Variants in MRPL43 observed in about 807,000 individuals in gnomAD.
MRPL43 encodes the protein mitochondrial ribosomal protein L43, also known as large ribosomal subunit protein mL43.
In MRPL43, 9 loss-of-function variants were observed where a neutral mutation model predicts 12.7. The observed-to-expected ratio is 0.71, with a 90% confidence interval of 0.43 to 1.24. The LOEUF (loss-of-function observed/expected upper bound fraction) is 1.24. Ranked by LOEUF, MRPL43 falls within the 50% of genes most tolerant of loss-of-function variation. The pLI is 0.00. For synonymous variants in MRPL43, 116 were observed against 96.4 expected, an observed-to-expected ratio of 1.20 and a Z score of -1.19; for missense variants, 211 against 229.2, an observed-to-expected ratio of 0.92 and a Z score of 0.51.
At chr10:100,979,705 G>A (rs1589989320), downstream of MRPL43, 1 of 935,836 alleles carries the variant, frequency 1.1e-6, no homozygotes, top group East Asian at 2.4e-5. Flanking sequence ...AATGAATGCA[G>A]TGGTCCACTG....
At chr10:100,979,360 T>C (rs201698096), downstream of MRPL43, 1 of 1,592,184 alleles carries the variant, frequency 6.3e-7, no homozygotes, top group Non-Finnish European at 8.5e-7. Flanking sequence ...GGATCCACTG[T>C]GGGGAGGTCT....
At chr10:100,977,991 C>T, downstream of MRPL43, 1 of 572,154 alleles carries the variant, frequency 1.7e-6, no homozygotes, top group South Asian at 2.1e-5. Context: ...TAACCCAAAA[C>T]AAAGGGCCTT....
downstream of MRPL43, chr10:100,984,549 C>G (rs1313501848): frequency 5.2e-6 from 8 of 1,536,064 alleles, no homozygotes; most frequent in Non-Finnish European, 7.0e-6. Context: ...GCCCTGTGTG[C>G]TGGATGGTCC....
Position 100,986,797 on chromosome 10 carries a change from C to T in MRPL43, c.417G>A (p.Thr139=), listed in dbSNP as rs377159778. Residue 139 remains threonine (T), a synonymous_variant, in exon 3 of 3, where the codon ACG becomes ACA. Transcript: ENST00000318364. ...CCTCTCGGGGGCGTAGCCCGCGGAA[C>T]GTGGTCGGCTTGTTGGTGAAGGGGT... ...QWHPFTNKPT[T]FRGLRPREVQ... 3.1e-6 allele frequency: 5 copies of T among 1,613,932 alleles called. No individual in the cohort carries two copies. Among genetic ancestry groups the T allele is most frequent in the Non-Finnish European group, 4.2e-6 (5 of 1,180,038 alleles).
chr10:100,987,408 G>A lies in MRPL43; in HGVS notation c.36C>T (p.Ala12=). ...GACCCAGTCCGTTGTGGAGAACGCT[G>A]GCCAAGAAGCGGCTCGGAGTCCCGC... ...TARGTPSRFL[A]SVLHNGLGRY... The change falls in exon 1 of 3, where the codon GCC becomes GCT. Residue 12 remains alanine, a synonymous_variant. Coordinates refer to ENST00000318364, the MANE Select transcript of MRPL43 (RefSeq NM_032112.3). The A allele has an allele frequency of 1.9e-6, 3 of 1,612,604 alleles. No individual in the cohort carries two copies. Among genetic ancestry groups the A allele is most frequent in the Non-Finnish European group, 2.5e-6 (3 of 1,179,942 alleles).
downstream of MRPL43, chr10:100,981,275 C>T (rs1851058560): frequency 6.2e-7 from 1 of 1,606,700 alleles, no homozygotes; most frequent in Middle Eastern, 1.7e-4. Context: ...AGACTGTCCT[C>T]TTTGCCATTT....
downstream of MRPL43, chr10:100,981,622 C>T (rs1474988811): frequency 1.3e-6 from 2 of 1,533,106 alleles, no homozygotes; most frequent in East Asian, 2.3e-5. Flanking sequence ...GATCTAAATA[C>T]TTCTATGCAT....
chr10:100,978,939 G>A (rs775552640), downstream of MRPL43: 18 of 1,614,074 alleles, frequency 1.1e-5, no homozygotes, highest in South Asian at 4.4e-5. Context: ...TTCACGGAGC[G>A]TGCCACTGAG....
At chr10:100,980,194 G>A, downstream of MRPL43, 1 of 1,614,228 alleles carries the variant, frequency 6.2e-7, no homozygotes, top group Middle Eastern at 1.6e-4. Flanking sequence ...CCTGGACTTT[G>A]TAAAGTTGCA....
chr10:100,980,482 C>G (rs972453668), downstream of MRPL43: 1 of 1,340,186 alleles, frequency 7.5e-7, no homozygotes, highest in Non-Finnish European at 1.1e-6. Context: ...TTGTTCTGGA[C>G]CTCAGGACTC....
downstream of MRPL43, chr10:100,979,119 G>A (rs1238045368): frequency 3.1e-6 from 5 of 1,614,056 alleles, no homozygotes; most frequent in East Asian, 6.7e-5. Flanking sequence ...TGGGAGGGAA[G>A]AAGATCCTGC....
chr10:100,987,235 T>G, intron 1 of MRPL43, 39 bp from the exon 2 acceptor site: 1 of 1,613,080 alleles, frequency 6.2e-7, no homozygotes, highest in Non-Finnish European at 8.5e-7. Flanking sequence ...GACCCCTGAC[T>G]GGGGGCGACC....
At chr10:100,980,069 G>C, downstream of MRPL43, 2 of 1,613,028 alleles carry the variant, frequency 1.2e-6, no homozygotes, top group Middle Eastern at 1.7e-4. Flanking sequence ...CTTGTGGAGA[G>C]GGCAGGCAGG....
downstream of MRPL43, chr10:100,983,734 G>A (rs763691852): frequency 1.1e-5 from 18 of 1,613,254 alleles, no homozygotes; most frequent in South Asian, 1.5e-4. Context: ...GGCAGACGAG[G>A]GCGCCGACGG....
At chr10:100,978,252 G>T (rs779817120), downstream of MRPL43, 3 of 1,482,054 alleles carry the variant, frequency 2.0e-6, no homozygotes, top group African/African-American at 2.8e-5. Flanking sequence ...CACTGTCCCT[G>T]CCTGTCTTCG....
downstream of MRPL43, chr10:100,978,032 T>C (rs896119336): frequency 1.4e-5 from 8 of 572,078 alleles, no homozygotes; most frequent in Non-Finnish European, 2.2e-5. Flanking sequence ...TTCCACAGGA[T>C]GGGCTAGGGG....
downstream of MRPL43, chr10:100,980,531 A>G (rs552015788): frequency 6.5e-7 from 1 of 1,533,262 alleles, no homozygotes; most frequent in Non-Finnish European, 9.0e-7. Flanking sequence ...GGGTGCTGAG[A>G]GCAGATCCCA....
downstream of MRPL43, chr10:100,981,628 T>G (rs796731612): frequency 2.3e-5 from 34 of 1,498,144 alleles, no homozygotes; most frequent in Middle Eastern, 1.8e-4. Flanking sequence ...AATACTTCTA[T>G]GCATGATGTC....
At chr10:100,983,869 G>A (rs1272774402), downstream of MRPL43, 2 of 1,567,448 alleles carry the variant, frequency 1.3e-6, no homozygotes, top group Non-Finnish European at 1.7e-6. Context: ...CTGGAGGGCA[G>A]CTGTCTCCAG....
Sources: gnomAD v4.1 joint callset for allele counts on GRCh38, gnomAD v4.1.1 for gene constraint, MANE v1.5 for transcripts, NCBI Gene and HGNC (gene_info 2026-07-23, HGNC 2026-07-21) for gene names.